Variants in RUNDC3B observed in about 807,000 individuals in gnomAD.
RUNDC3B encodes RUN domain-containing protein 3B.
RUNDC3B carries 33 observed loss-of-function variants against 58.4 expected under a neutral mutation model. The observed-to-expected ratio is 0.56, with a 90% CI of 0.43 to 0.75. The LOEUF (loss-of-function observed/expected upper bound fraction) is 0.75, where lower values mean the gene tolerates loss of function less well. Ranked by LOEUF, RUNDC3B falls within the 30% of genes least tolerant of loss-of-function variation. The pLI, the probability that RUNDC3B is intolerant of heterozygous loss-of-function variation, is 0.00. For missense variants in RUNDC3B, 501 were observed against 535.7 expected (o/e 0.94, Z 0.64); for synonymous variants, 193 against 195.2 (o/e 0.99, Z 0.10).
At chr7:87,725,968 T>C (rs1490758610) in intron 4 of RUNDC3B, among the ~76,000 whole-genome samples, 1 of 152,222 alleles carries the variant, frequency 6.6e-6, no homozygotes, top group Non-Finnish European at 1.5e-5. Flanking sequence ...TTTGCCTGAG[T>C]TCTTTGTAGA....
At chr7:87,758,082 G>T (rs75421748) in intron 6 of RUNDC3B, among the ~76,000 whole-genome samples, 15,977 of 152,232 alleles carry the variant, frequency 0.1, 1,108 homozygotes, top group Admixed American at 0.21. Flanking sequence ...CAATTTGGAA[G>T]CCAAGGCAGG....
rs536570385 is a variant in RUNDC3B, at chr7:87,633,040, T to C, written c.122+4095T>C. Reference sequence around the variant, plus strand: ...AGTGTTTTTAATAACATATGAATAGTCTTAGTTTTCTATAGGTCATGATAT... The same window carrying C: ...AGTGTTTTTAATAACATATGAATAGCCTTAGTTTTCTATAGGTCATGATAT... On this transcript the variant is annotated intron_variant, in intron 1 of 10. Coordinates refer to ENST00000394654, the MANE Select transcript of RUNDC3B (RefSeq NM_001134405.2). Among the ~76,000 whole-genome samples, 12 of 152,332 alleles carry C rather than the reference T, an allele frequency of 7.9e-5. No homozygotes were observed. The South Asian group carries it at 2.5e-3, about 32-fold the overall frequency.
At chr7:87,745,349 G>C (rs944397746) in intron 6 of RUNDC3B, among the ~76,000 whole-genome samples, 1 of 152,078 alleles carries the variant, frequency 6.6e-6, no homozygotes, top group Non-Finnish European at 1.5e-5. Context: ...ATTAGGGAAG[G>C]TTCCTTCTTT....
At chr7:87,724,742 T>G (rs1831113145) in intron 4 of RUNDC3B, among the ~76,000 whole-genome samples, 1 of 152,106 alleles carries the variant, frequency 6.6e-6, no homozygotes, top group Non-Finnish European at 1.5e-5. Flanking sequence ...CACTTCTATT[T>G]TTATACCTGA....
intron 10 of RUNDC3B, among the ~76,000 whole-genome samples, chr7:87,817,673 G>A (rs1240929462): frequency 6.6e-6 from 1 of 152,062 alleles, no homozygotes; most frequent in Non-Finnish European, 1.5e-5. Context: ...CTGCCATACT[G>A]TAAATAGCCA....
intron 1 of RUNDC3B, among the ~76,000 whole-genome samples, chr7:87,644,431 T>C (rs1822776666): frequency 2.0e-5 from 3 of 152,242 alleles, no homozygotes; most frequent in South Asian, 4.1e-4. Flanking sequence ...ATAAGGAATA[T>C]TGTAAATTTG....
chr7:87,763,753 C>A (rs1833825611), intron 6 of RUNDC3B, among the ~76,000 whole-genome samples: 1 of 151,548 alleles, frequency 6.6e-6, no homozygotes, highest in Non-Finnish European at 1.5e-5. Context: ...TCTGTTTTAT[C>A]CAAAACCATG....
chr7:87,665,698 C>T (rs1441667195), intron 2 of RUNDC3B, among the ~76,000 whole-genome samples: 2 of 152,086 alleles, frequency 1.3e-5, no homozygotes, highest in Admixed American at 1.3e-4. Flanking sequence ...TCTCACCCTT[C>T]ACTCTCAAGT....
chr7:87,643,466 T>A (rs914298498), intron 1 of RUNDC3B, among the ~76,000 whole-genome samples: 2 of 152,120 alleles, frequency 1.3e-5, no homozygotes, highest in Non-Finnish European at 2.9e-5. Context: ...TTAAATAGAT[T>A]AAAATTATAT....
chr7:87,656,779 T>C (rs1402841976), intron 2 of RUNDC3B, among the ~76,000 whole-genome samples: 1 of 152,210 alleles, frequency 6.6e-6, no homozygotes, highest in Non-Finnish European at 1.5e-5. Flanking sequence ...CTATTTTTCT[T>C]CTAAACTTAT....
intron 10 of RUNDC3B, among the ~76,000 whole-genome samples, 169 bp downstream of exon 10, chr7:87,816,431 TGG>T (rs947660988): frequency 6.6e-6 from 1 of 152,018 alleles, no homozygotes; most frequent in Non-Finnish European, 1.5e-5. Flanking sequence ...CGTGTGTGTG[TGG>T]GGGGGGCTAA....
rs1836256478 is a variant in RUNDC3B, at chr7:87,803,046, T to C, written c.957-4327T>C. Among the ~76,000 whole-genome samples the C allele has an allele frequency of 3.3e-5, 5 of 152,008 alleles. No homozygotes were observed. The South Asian group carries it at 8.3e-4, about 25-fold the overall frequency. The stretch of plus-strand genomic sequence containing the variant: ...AAAAACATAAGAAAAATTATAAATC[T>C]AAAAAGAATAAAGCATCAGTGGCAA... On this transcript the variant is annotated intron_variant, in intron 8 of 10. Transcript: ENST00000394654.
intron 10 of RUNDC3B, among the ~76,000 whole-genome samples, chr7:87,825,837 A>G (rs1252609173): frequency 6.6e-6 from 1 of 152,154 alleles, no homozygotes; most frequent in African/African-American, 2.4e-5. Flanking sequence ...GCCCTGCTGG[A>G]TTCTGGACTT....
At chr7:87,747,972 C>T (rs902279508) in intron 6 of RUNDC3B, among the ~76,000 whole-genome samples, 1 of 152,144 alleles carries the variant, frequency 6.6e-6, no homozygotes, top group Non-Finnish European at 1.5e-5. Flanking sequence ...ACTGGATTTG[C>T]GCTCTTCCCC....
chr7:87,797,847 C>T (rs1266413327), intron 8 of RUNDC3B, among the ~76,000 whole-genome samples: 2 of 151,956 alleles, frequency 1.3e-5, no homozygotes, highest in South Asian at 2.1e-4. Context: ...AATTCTTTTG[C>T]GATGCGAATT....
intron 1 of RUNDC3B, 166 bp downstream of exon 1, chr7:87,629,111 C>T (rs1393832161): frequency 1.1e-5 from 6 of 552,596 alleles, no homozygotes; most frequent in Non-Finnish European, 2.8e-6. Flanking sequence ...GACAGGGGCC[C>T]GGGTCTGGAC....
At position 87,750,697 on chromosome 7, in the gene RUNDC3B, A is replaced by G. The variant is rs537595162; in HGVS notation, c.629+9118A>G. On this transcript the variant is annotated intron_variant, in intron 6 of 10. Transcript: ENST00000394654. ...GTCTTCTTTTGAGAAGTGTCTGTTCATGTCCTTCGCCCACTTTTTGATGGG... is the reference window on the plus strand; with the variant it reads ...GTCTTCTTTTGAGAAGTGTCTGTTCGTGTCCTTCGCCCACTTTTTGATGGG... Among the ~76,000 whole-genome samples, 59 of 150,876 alleles carry G rather than the reference A, an allele frequency of 3.9e-4. No individual in the cohort carries two copies. In the East Asian group the frequency reaches 4.9e-3, roughly 12 times the overall value.
chr7:87,670,110 A>G (rs1825680635), intron 2 of RUNDC3B, among the ~76,000 whole-genome samples: 1 of 152,136 alleles, frequency 6.6e-6, no homozygotes, highest in African/African-American at 2.4e-5. Flanking sequence ...AATGCCAGTG[A>G]TTTGTAGATT....
At chr7:87,749,108 G>A (rs1196456752) in intron 6 of RUNDC3B, among the ~76,000 whole-genome samples, 1 of 152,188 alleles carries the variant, frequency 6.6e-6, no homozygotes, top group African/African-American at 2.4e-5. Context: ...AGAGCAAGAT[G>A]TCATCTGGAG....
Sources: gnomAD v4.1 joint callset for allele counts (sites outside exome capture counted in the v4.1 genomes callset) on GRCh38, gnomAD v4.1.1 for gene constraint, MANE v1.5 for transcripts, NCBI Gene and HGNC (gene_info 2026-07-23, HGNC 2026-07-21) for gene names.